Variants in LYZL4 observed in about 807,000 individuals in gnomAD.
LYZL4 encodes lysozyme like 4.
In LYZL4, 13 loss-of-function variants were observed where a neutral mutation model predicts 17.6. That is an observed-to-expected ratio of 0.74 (90% CI 0.48 to 1.18). LYZL4 has a LOEUF of 1.18. Ranked by LOEUF, LYZL4 falls within the 50% of genes most tolerant of loss-of-function variation. The pLI, the probability that LYZL4 is intolerant of heterozygous loss-of-function variation, is 0.00. For synonymous variants in LYZL4, 64 were observed against 67.7 expected (o/e 0.95, Z 0.27); for missense variants, 174 against 188.2 (o/e 0.92, Z 0.44).
At chr3:42,384,686 C>G in the LYZL4 span, among the ~76,000 whole-genome samples, 1 of 152,208 alleles carries the variant, frequency 6.6e-6, no homozygotes, top group African/African-American at 2.4e-5. Flanking sequence ...TAGTAGAGCA[C>G]TCTGTGGCTC....
the LYZL4 span, among the ~76,000 whole-genome samples, chr3:42,386,988 T>C: frequency 6.6e-6 from 1 of 152,208 alleles, no homozygotes; most frequent in Non-Finnish European, 1.5e-5. Flanking sequence ...AAAGATTTTT[T>C]TAAATTCGCC....
chr3:42,366,185 C>G, the LYZL4 span, among the ~76,000 whole-genome samples: 6 of 152,158 alleles, frequency 3.9e-5, no homozygotes, highest in East Asian at 1.2e-3. Context: ...GTTGGCCTGT[C>G]CCTGGGGCTT....
chr3:42,379,589 G>C, the LYZL4 span, among the ~76,000 whole-genome samples: 1 of 150,190 alleles, frequency 6.7e-6, no homozygotes, highest in Admixed American at 6.8e-5. Flanking sequence ...AGAAGGCCAG[G>C]AACCAAGAGA....
chr3:42,407,387 A>G, intron 1 of LYZL4, 44 bp from the exon 2 acceptor site: 2 of 1,156,964 alleles, frequency 1.7e-6, no homozygotes, highest in Non-Finnish European at 2.4e-6. Context: ...CATCAGAAAA[A>G]TGGGAGTCTC....
chr3:42,401,220 T>C (rs1213363420), intron 4 of LYZL4, among the ~76,000 whole-genome samples: 5 of 151,238 alleles, frequency 3.3e-5, no homozygotes, highest in Non-Finnish European at 5.9e-5. Flanking sequence ...TTTATTAATA[T>C]TTTTTTTTGA....
At chr3:42,410,345 T>A (rs1284699788) in intron 1 of LYZL4, 72 bp downstream of exon 1, 1 of 152,264 alleles carries the variant, frequency 6.6e-6, no homozygotes, top group Non-Finnish European at 1.5e-5. Flanking sequence ...TAAGTGAATT[T>A]GCTGATGAGC....
chr3:42,397,165 A>G lies in LYZL4; in HGVS notation c.*100T>C. The G allele has an allele frequency of 2.4e-6, 2 of 833,228 alleles. No homozygotes were observed. The highest frequency in any genetic ancestry group is 3.6e-5 in the South Asian group (2 of 55,254). The allele number at this position is 833,228 out of a possible 1,614,324, so 51.6% of individuals were successfully genotyped here. A position where few individuals can be genotyped will look rare whatever the true frequency, so the allele number is the denominator to read the frequency against. On this transcript the variant is annotated 3_prime_UTR_variant, in exon 5 of 5. Transcript: ENST00000287748. ...GTCTTTTTCCATCTGGAACTCTTAA[A>G]GTGGTGAGATCATCAAAAGGATTGA...
the LYZL4 span, among the ~76,000 whole-genome samples, chr3:42,367,760 G>C: frequency 1.3e-5 from 2 of 152,194 alleles, no homozygotes; most frequent in South Asian, 4.1e-4. Context: ...GCTCTGCTGG[G>C]TACAGTGCTC....
chr3:42,366,096 T>A, the LYZL4 span, among the ~76,000 whole-genome samples: 1 of 151,720 alleles, frequency 6.6e-6, no homozygotes, highest in African/African-American at 2.4e-5. Flanking sequence ...GAAGGAGACT[T>A]CTCTCTCCCC....
rs760444816 is a variant in LYZL4 at position 42,406,954 on chromosome 3, T to C, written c.184A>G (p.Ile62Val). The stretch of plus-strand genomic sequence containing the variant: ...TAGCCCTCACGTGTGTTCTCGTAGA[T>C]GGCCATGGGGTTGAACTTGCTCTCG... ...YFESKFNPMA[I>V]YENTREGYTG... is the part of the protein sequence containing the mutation. Residue 62 changes from isoleucine (I) to valine (V), a missense_variant, in exon 3 of 5, where the codon ATC becomes GTC. By Grantham distance (29) the Ile-to-Val change is conservative (BLOSUM62 3). Transcript: ENST00000287748. The C allele has an allele frequency of 1.7e-5, 27 of 1,614,086 alleles. No homozygotes were observed. The highest frequency in any genetic ancestry group is 5.1e-6 in the Non-Finnish European group (6 of 1,180,052).
In LYZL4 at chr3:42,397,157, AC is replaced by A. The variant is rs758800072; in HGVS notation, c.*107del. 3 of 780,606 alleles carry A rather than the reference AC, an allele frequency of 3.8e-6. No homozygotes were observed. Among genetic ancestry groups the A allele is most frequent in the Non-Finnish European group, 4.1e-6 (2 of 486,318 alleles). 48.4% of individuals were successfully genotyped at this position (780,606 alleles called of 1,614,324 possible). A position where few individuals can be genotyped will look rare whatever the true frequency, so the allele number is the denominator to read the frequency against. On this transcript the variant is annotated 3_prime_UTR_variant, in exon 5 of 5. Transcript: ENST00000287748. ...AAACTTTTGTCTTTTTCCATCTGGAACTCTTAAAGTGGTGAGATCATCAAAA... is the reference window on the plus strand; with the variant it reads ...AAACTTTTGTCTTTTTCCATCTGGAATCTTAAAGTGGTGAGATCATCAAAA...
chr3:42,362,218 C>T, the LYZL4 span, among the ~76,000 whole-genome samples: 1 of 151,988 alleles, frequency 6.6e-6, no homozygotes, highest in Non-Finnish European at 1.5e-5. Flanking sequence ...AATTAAAAAA[C>T]AAAAAAGACA....
intron 4 of LYZL4, among the ~76,000 whole-genome samples, chr3:42,401,071 C>T (rs1458242176): frequency 1.3e-5 from 2 of 152,148 alleles, no homozygotes; most frequent in African/African-American, 4.8e-5. Context: ...CAAGAAAAAG[C>T]CACACAACCT....
chr3:42,381,238 C>T, the LYZL4 span, among the ~76,000 whole-genome samples: 1 of 152,312 alleles, frequency 6.6e-6, no homozygotes, highest in South Asian at 2.1e-4. Context: ...TGGACCTTTC[C>T]TGTTCTTTAA....
the LYZL4 span, among the ~76,000 whole-genome samples, chr3:42,391,881 TC>T: frequency 9.9e-3 from 1,484 of 149,854 alleles, 36 homozygotes; most frequent in East Asian, 0.06. Flanking sequence ...TCTCTCTTTT[TC>T]TTTTTTTTCT....
the LYZL4 span, among the ~76,000 whole-genome samples, chr3:42,380,058 T>C: frequency 6.6e-6 from 1 of 152,160 alleles, no homozygotes; most frequent in East Asian, 1.9e-4. Flanking sequence ...AACTAGGAAG[T>C]GGGCCCTCAT....
chr3:42,395,113 A>C (rs561001256), downstream of LYZL4, among the ~76,000 whole-genome samples: 15 of 152,334 alleles, frequency 9.8e-5, no homozygotes, highest in African/African-American at 3.6e-4. Flanking sequence ...AAAGCCACAC[A>C]AAACTGTTTG....
chr3:42,364,498 T>A, the LYZL4 span, among the ~76,000 whole-genome samples: 22,660 of 151,686 alleles, frequency 0.15, 4,280 homozygotes, highest in African/African-American at 0.44. Context: ...ACTCGCCACC[T>A]CGCCCAGCTA....
At chr3:42,393,845 G>A (rs1204073831), downstream of LYZL4, among the ~76,000 whole-genome samples, 12 of 152,308 alleles carry the variant, frequency 7.9e-5, no homozygotes, top group South Asian at 1.4e-3. Flanking sequence ...AGGCTGGAGC[G>A]CAGTGGCGTG....
Sources: gnomAD v4.1 joint callset for allele counts (sites outside exome capture counted in the v4.1 genomes callset) on GRCh38, gnomAD v4.1.1 for gene constraint, MANE v1.5 for transcripts, NCBI Gene and HGNC (gene_info 2026-07-23, HGNC 2026-07-21) for gene names.